Variants in SLC15A5 observed in about 807,000 individuals in gnomAD.
SLC15A5 encodes solute carrier family 15 member 5.
Under a neutral mutation model 56.1 loss-of-function variants are expected in SLC15A5, and 58 were observed. The observed-to-expected ratio is 1.03, with a 90% CI of 0.84 to 1.29. The LOEUF is 1.29. SLC15A5 is among the 50% of genes most tolerant of loss of function. SLC15A5 has a pLI of 0.00. For synonymous variants in SLC15A5, 264 were observed against 250.5 expected (o/e 1.05, Z -0.51); for missense variants, 681 against 672.1 (o/e 1.01, Z -0.15).
chr12:16,266,828 T>G (rs995020273), intron 2 of SLC15A5, among the ~76,000 whole-genome samples: 2 of 152,152 alleles, frequency 1.3e-5, no homozygotes, highest in Admixed American at 1.3e-4. Context: ...AAAGCAGCAG[T>G]AAAAATATGT....
At chr12:16,228,434 TTCTC>T (rs1168356993) in intron 5 of SLC15A5, among the ~76,000 whole-genome samples, 5 of 152,204 alleles carry the variant, frequency 3.3e-5, no homozygotes, top group Admixed American at 3.3e-4. Flanking sequence ...CTTTTGATCT[TTCTC>T]TCTAATTCTT....
chr12:16,249,605 TAA>T (rs1204734771), intron 3 of SLC15A5, among the ~76,000 whole-genome samples: 2 of 152,072 alleles, frequency 1.3e-5, no homozygotes, highest in African/African-American at 2.4e-5. Flanking sequence ...TTAAAATGTG[TAA>T]TATATGGACT....
At chr12:16,245,620 CA>C (rs1864454264) in intron 3 of SLC15A5, among the ~76,000 whole-genome samples, 1 of 152,154 alleles carries the variant, frequency 6.6e-6, no homozygotes, top group Non-Finnish European at 1.5e-5. Context: ...GCTGTGCTGT[CA>C]TGATAGTTAC....
chr12:16,224,692 T>C, intron 5 of SLC15A5, 90 bp from the exon 6 acceptor site: 1 of 1,230,970 alleles, frequency 8.1e-7, no homozygotes, highest in Admixed American at 2.9e-5. Context: ...CCATTGACAT[T>C]AGATGTTTCT....
At chr12:16,226,380 A>G (rs1022799770) in intron 5 of SLC15A5, among the ~76,000 whole-genome samples, 4 of 152,186 alleles carry the variant, frequency 2.6e-5, no homozygotes, top group Non-Finnish European at 5.9e-5. Context: ...TTATTATTGA[A>G]GATAAAGCAA....
chr12:16,211,749 G>A (rs1005034969), intron 7 of SLC15A5, among the ~76,000 whole-genome samples: 2 of 152,104 alleles, frequency 1.3e-5, no homozygotes, highest in African/African-American at 4.8e-5. Context: ...ATTAGTGTAG[G>A]AGGATGAGTT....
At chr12:16,244,520 G>T in intron 4 of SLC15A5, 60 bp downstream of exon 4, 1 of 1,432,806 alleles carries the variant, frequency 7.0e-7, no homozygotes, top group Non-Finnish European at 9.5e-7. Flanking sequence ...ACCTTGACTT[G>T]CACTGTTGAC....
chr12:16,244,449 G>A lies in SLC15A5; in HGVS notation c.975+131C>T, dbSNP rs143875542. 9 of 816,542 alleles carry A rather than the reference G, an allele frequency of 1.1e-5. No homozygotes were observed. The African/African-American group carries it at 1.5e-4, about 14-fold the overall frequency. 50.6% of individuals were successfully genotyped at this position (816,542 alleles called of 1,614,324 possible). ...AAATCAGAGCCTGTAATGATGAGAA[G>A]TTTCTGTGGGGATAACTGCCTGCCG... is the stretch of plus-strand genomic sequence containing the variant. On this transcript the variant is annotated intron_variant, in intron 4 of 8. Transcript: ENST00000344941.
intron 2 of SLC15A5, among the ~76,000 whole-genome samples, chr12:16,266,057 T>C (rs1864692556): frequency 6.6e-6 from 1 of 152,288 alleles, no homozygotes; most frequent in Non-Finnish European, 1.5e-5. Flanking sequence ...TGATAGAACA[T>C]GGAACGTGAC....
rs571736815 is a variant in SLC15A5 at position 16,256,358 on chromosome 12, C to G, written c.754+1343G>C. ...CAAAAATCATCAATGAATGCTAACT[C>G]TGCAAAAACAGACATTATGCCTCTT... On this transcript the variant is annotated intron_variant, in intron 3 of 8. Transcript: ENST00000344941. Among the ~76,000 whole-genome samples the G allele has an allele frequency of 3.9e-5, 6 of 152,240 alleles. No individual in the cohort carries two copies. The East Asian group carries it at 1.2e-3, about 29-fold the overall frequency.
At chr12:16,223,938 G>A (rs1296909734) in intron 6 of SLC15A5, among the ~76,000 whole-genome samples, 1 of 152,136 alleles carries the variant, frequency 6.6e-6, no homozygotes, top group Non-Finnish European at 1.5e-5. Flanking sequence ...GGATGGTCTT[G>A]ATCTCTTGAC....
chr12:16,272,493 A>G (rs1864770115), intron 2 of SLC15A5, 68 bp downstream of exon 2: 2 of 1,430,688 alleles, frequency 1.4e-6, no homozygotes, highest in Non-Finnish European at 1.9e-6. Flanking sequence ...TACTACCCAA[A>G]TGGAATCAGA....
Position 16,216,935 on chromosome 12 carries a change from T to G in SLC15A5, c.1441A>C (p.Thr481Pro), listed in dbSNP as rs368362486. ...ACCAACTTCACCAGCAGTGCCCCTG[T>G]GAAACAGCCAAATCCATTGAACAGT... ...LTLFNGFGCF[T>P]GALLVKLVYL... is the part of the protein sequence containing the mutation. Residue 481 changes from threonine to proline, a missense_variant, in exon 7 of 9, where the codon ACA (threonine) becomes CCA (proline). Coordinates refer to ENST00000344941, the MANE Select transcript of SLC15A5 (RefSeq NM_001170798.1). 6.5e-7 allele frequency: 1 copy of G among 1,536,902 alleles called. No individual in the cohort carries two copies.
At chr12:16,257,039 A>G (rs190327190) in intron 3 of SLC15A5, among the ~76,000 whole-genome samples, 274 of 152,158 alleles carry the variant, frequency 1.8e-3, no homozygotes, top group African/African-American at 6.5e-3. Context: ...ACAAATTTCA[A>G]AAAGGAAACA....
chr12:16,225,180 A>G (rs983364891), intron 5 of SLC15A5, among the ~76,000 whole-genome samples: 1 of 152,188 alleles, frequency 6.6e-6, no homozygotes, highest in African/African-American at 2.4e-5. Flanking sequence ...TAGTGCCGCA[A>G]TAAACATACA....
rs770112166 is a variant in SLC15A5 at position 16,272,608 on chromosome 12, A to G, written c.537T>C (p.Phe179=). ...VRAIVCPLGA[F]GLQEYGSQKT... ...TTTGTGATCCATACTCCTGAAGGCC[A>G]AAAGCACCCAGTGGACAGACGATGG... Residue 179 remains phenylalanine, a synonymous_variant, in exon 2 of 9, where the codon TTT becomes TTC. Transcript: ENST00000344941. 22 of 1,536,874 alleles carry G rather than the reference A, an allele frequency of 1.4e-5. No individual in the cohort carries two copies. The South Asian group carries it at 2.1e-4, about 15-fold the overall frequency.
In SLC15A5 at chr12:16,277,639, T is replaced by C. The variant is rs1393289441; in HGVS notation, c.47A>G (p.Tyr16Cys). ...AGTTTTCTCCTTCTCAATGCTGTGA[T>C]ATAAGTGTACTTTCTCATCAGTTAT... is the stretch of plus-strand genomic sequence containing the variant. ...FTITDEKVHLYHSIEKEKTVR... is the reference protein window; with the variant it reads ...FTITDEKVHLCHSIEKEKTVR... The change falls in exon 1 of 9, where the codon TAT becomes TGT. Residue 16 changes from tyrosine (Y) to cysteine (C), a missense_variant. By Grantham distance (194) the Tyr-to-Cys change is radical. Coordinates refer to ENST00000344941, the MANE Select transcript of SLC15A5 (RefSeq NM_001170798.1). 21 of 1,536,006 alleles carry C rather than the reference T, an allele frequency of 1.4e-5. 1 individual carries two copies. The Middle Eastern group carries it at 6.7e-4, about 49-fold the overall frequency.
At chr12:16,275,804 T>C (rs16911781) in intron 1 of SLC15A5, among the ~76,000 whole-genome samples, 15,022 of 152,070 alleles carry the variant, frequency 0.099, 1,162 homozygotes, top group African/African-American at 0.22. Flanking sequence ...GAAATTACCA[T>C]GTTAAACAAG....
intron 6 of SLC15A5, among the ~76,000 whole-genome samples, chr12:16,219,804 T>C (rs1864168501): frequency 1.3e-5 from 2 of 152,158 alleles, no homozygotes; most frequent in South Asian, 2.1e-4. Context: ...ACAATGTAGA[T>C]AATATCAATA....
Sources: gnomAD v4.1 joint callset for allele counts (sites outside exome capture counted in the v4.1 genomes callset) on GRCh38, gnomAD v4.1.1 for gene constraint, MANE v1.5 for transcripts, NCBI Gene and HGNC (gene_info 2026-07-23, HGNC 2026-07-21) for gene names.